Variants in HECW2 observed in about 807,000 individuals in gnomAD.
HECW2 encodes E3 ubiquitin-protein ligase HECW2.
Under a neutral mutation model 175.2 loss-of-function variants are expected in HECW2, and 61 were observed. The ratio of observed to expected loss-of-function variants is 0.35; its 90% CI spans 0.28 to 0.43. HECW2 has a LOEUF of 0.43. Ranked by LOEUF, HECW2 falls within the 20% of genes least tolerant of loss-of-function variation. HECW2 has a pLI of 1.00. For missense variants in HECW2, 1,524 were observed against 2,000.5 expected, an observed-to-expected ratio of 0.76 and a Z score of 4.54; for synonymous variants, 671 against 731.0, an observed-to-expected ratio of 0.92 and a Z score of 1.32.
At chr2:196,492,003 ATAAG>A (rs533453742) in intron 1 of HECW2, among the ~76,000 whole-genome samples, 53 of 152,332 alleles carry the variant, frequency 3.5e-4, no homozygotes, top group African/African-American at 1.1e-3. Flanking sequence ...TTTTTTTCAA[ATAAG>A]TAAGTTATAT....
chr2:196,518,674 A>C (rs1005237642), intron 1 of HECW2, among the ~76,000 whole-genome samples: 1 of 142,036 alleles, frequency 7.0e-6, no homozygotes, highest in South Asian at 2.2e-4. Context: ...AAAAAAAAAA[A>C]AAAACCCTTT....
intron 1 of HECW2, among the ~76,000 whole-genome samples, chr2:196,590,077 C>A (rs754029974): frequency 6.6e-6 from 1 of 152,014 alleles, no homozygotes; most frequent in African/African-American, 2.4e-5. Flanking sequence ...TGAAATAAGG[C>A]AAGACTCAAA....
chr2:196,341,601 T>C (rs1692754256), intron 3 of HECW2, among the ~76,000 whole-genome samples: 1 of 152,242 alleles, frequency 6.6e-6, no homozygotes, highest in Non-Finnish European at 1.5e-5. Flanking sequence ...CAAACTTTCC[T>C]ATATGCTGTG....
intron 13 of HECW2, among the ~76,000 whole-genome samples, chr2:196,306,233 C>T (rs6729207): frequency 0.052 from 7,902 of 152,188 alleles, 661 homozygotes; most frequent in African/African-American, 0.18. Context: ...CTTCACAGCT[C>T]CAGAATCATG....
At chr2:196,224,854 C>G (rs777780586) in intron 23 of HECW2, among the ~76,000 whole-genome samples, 4 of 152,140 alleles carry the variant, frequency 2.6e-5, no homozygotes, top group African/African-American at 7.2e-5. Context: ...ACCAAAGAGA[C>G]AGAAAACGGC....
At chr2:196,455,191 G>A (rs183617856) in intron 1 of HECW2, among the ~76,000 whole-genome samples, 29 of 152,194 alleles carry the variant, frequency 1.9e-4, no homozygotes, top group Admixed American at 6.5e-4. Context: ...GTGCCACCAC[G>A]TCCAGCTAAT....
chr2:196,232,825 A>G (rs1439699982), intron 21 of HECW2, among the ~76,000 whole-genome samples: 2 of 152,222 alleles, frequency 1.3e-5, no homozygotes, highest in African/African-American at 4.8e-5. Flanking sequence ...TGTTTTCCCA[A>G]GCAAAAACAG....
At chr2:196,246,683 C>T (rs940316585) in intron 19 of HECW2, among the ~76,000 whole-genome samples, 8 of 152,034 alleles carry the variant, frequency 5.3e-5, no homozygotes, top group Non-Finnish European at 8.8e-5. Flanking sequence ...AGCCACTGTG[C>T]CCTGCCAAGA....
chr2:196,380,799 G>A (rs1415979481), intron 2 of HECW2, among the ~76,000 whole-genome samples: 3 of 152,114 alleles, frequency 2.0e-5, no homozygotes, highest in Non-Finnish European at 4.4e-5. Context: ...GCAGAGCTGG[G>A]GAGACAGGAA....
chr2:196,402,238 G>T (rs1236487595), intron 2 of HECW2, among the ~76,000 whole-genome samples: 1 of 143,170 alleles, frequency 7.0e-6, no homozygotes, highest in Non-Finnish European at 1.5e-5. Context: ...AGGGAAACTT[G>T]CCATAATAAG....
intron 9 of HECW2, among the ~76,000 whole-genome samples, chr2:196,317,580 C>T (rs561403473): frequency 6.6e-6 from 1 of 152,112 alleles, no homozygotes; most frequent in Admixed American, 6.5e-5. Flanking sequence ...GCATGTATCC[C>T]CCGCTCCTGC....
intron 1 of HECW2, among the ~76,000 whole-genome samples, chr2:196,455,506 C>A (rs1696482357): frequency 6.6e-6 from 1 of 152,070 alleles, no homozygotes; most frequent in Admixed American, 6.5e-5. Context: ...TCATTTATGA[C>A]TTTATGATAA....
rs1240485106 is a variant in HECW2 at position 196,198,686 on chromosome 2, AT to A, written c.*2590del. ...TAAAATAAGACCAGAAAGCCTAGTT[AT>A]CTGGGTTCACAGTCCAGAAGAAAAT... On this transcript the variant is annotated 3_prime_UTR_variant, in exon 29 of 29. Transcript: ENST00000644978. 3.3e-5 allele frequency: 5 copies of A among 152,248 alleles called. No individual in the cohort carries two copies. Among genetic ancestry groups the A allele is most frequent in the Non-Finnish European group, 5.9e-5 (4 of 68,044 alleles). The allele number at this position is 152,248 out of a possible 1,614,324, so 9.4% of individuals were successfully genotyped here.
At chr2:196,411,339 G>A (rs959051375) in intron 2 of HECW2, among the ~76,000 whole-genome samples, 3 of 152,028 alleles carry the variant, frequency 2.0e-5, no homozygotes, top group Non-Finnish European at 4.4e-5. Context: ...CAGGTTCCAG[G>A]GTGCAGTGCT....
At chr2:196,243,777 C>T (rs1688551099) in intron 19 of HECW2, among the ~76,000 whole-genome samples, 1 of 152,084 alleles carries the variant, frequency 6.6e-6, no homozygotes, top group South Asian at 2.1e-4. Flanking sequence ...CGTGGTTTCT[C>T]CATGTTGGTC....
In HECW2 at chr2:196,472,124, GA is replaced by G. The variant is rs950192265; in HGVS notation, c.-35-38667del. ...CCATAATCAACCACATTTAGAGGGC[GA>G]AAAAAAAATAGTTGTAGTCAAATGT... is the stretch of plus-strand genomic sequence containing the variant. On this transcript the variant is annotated intron_variant, in intron 1 of 28. Coordinates refer to ENST00000644978, the MANE Select transcript of HECW2 (RefSeq NM_001348768.2). Among the ~76,000 whole-genome samples, 412 of 150,250 alleles carry G rather than the reference GA, an allele frequency of 2.7e-3. 3 individuals carry two copies. The highest frequency in any genetic ancestry group is 9.3e-3 in the African/African-American group (380 of 40,982).
intron 1 of HECW2, among the ~76,000 whole-genome samples, chr2:196,571,302 A>C (rs74698592): frequency 6.6e-6 from 1 of 152,346 alleles, no homozygotes; most frequent in African/African-American, 2.4e-5. Context: ...CAAGTGAGGT[A>C]ATGTCTAATG....
chr2:196,220,996 C>G, intron 24 of HECW2, 55 bp from the exon 25 acceptor site: 1 of 1,551,556 alleles, frequency 6.4e-7, no homozygotes, highest in Non-Finnish European at 8.9e-7. Context: ...AATGTTATAA[C>G]AACATTACTA....
chr2:196,195,643 T>C lies in HECW2; in HGVS notation c.*5634A>G, dbSNP rs923965903. The C allele has an allele frequency of 6.6e-6, 1 of 152,192 alleles. No individual in the cohort carries two copies. The highest frequency in any genetic ancestry group is 2.4e-5 in the African/African-American group (1 of 41,452). The allele number at this position is 152,192 out of a possible 1,614,324, so 9.4% of individuals were successfully genotyped here. A position where few individuals can be genotyped will look rare whatever the true frequency, so the allele number is the denominator to read the frequency against. ...GCATTTAAGTTATCTTTAGAAATCA[T>C]GAAAATGTCTCAAATGCTATTCTAA... On this transcript the variant is annotated 3_prime_UTR_variant, in exon 29 of 29. Transcript: ENST00000644978.
Sources: allele counts gnomAD v4.1 joint callset (sites outside exome capture counted in the v4.1 genomes callset), GRCh38; gene constraint gnomAD v4.1.1; transcripts MANE v1.5; gene names NCBI Gene and HGNC (gene_info 2026-07-23, HGNC 2026-07-21).